Variants in LTBP1 observed in about 807,000 individuals in gnomAD.
LTBP1 encodes latent-transforming growth factor beta-binding protein 1.
A neutral mutation model predicts 207.6 loss-of-function variants in LTBP1; 129 were observed. That is an observed-to-expected ratio of 0.62 (90% CI 0.54 to 0.72). LTBP1 has a LOEUF of 0.72. LTBP1 is among the 30% of genes least tolerant of loss of function. LTBP1 has a pLI of 0.00. For missense variants in LTBP1, 2,281 were observed against 2,217.2 expected (o/e 1.03, Z -0.58); for synonymous variants, 963 against 833.7 (o/e 1.16, Z -2.67).
At chr2:33,148,903 T>C (rs1384909647) in intron 5 of LTBP1, among the ~76,000 whole-genome samples, 1 of 152,168 alleles carries the variant, frequency 6.6e-6, no homozygotes, top group African/African-American at 2.4e-5. Context: ...ATGCTGTGTG[T>C]GTCCTACAAC....
At chr2:32,957,377 A>G (rs1001480276) in intron 2 of LTBP1, among the ~76,000 whole-genome samples, 3 of 152,130 alleles carry the variant, frequency 2.0e-5, no homozygotes, top group Admixed American at 6.6e-5. Context: ...CGTTCACTTG[A>G]GCCCTTAGAG....
intron 2 of LTBP1, among the ~76,000 whole-genome samples, chr2:32,983,555 G>A (rs1197728788): frequency 1.3e-5 from 2 of 152,170 alleles, no homozygotes; most frequent in East Asian, 1.9e-4. Flanking sequence ...CACCCAAGTC[G>A]TATCTTGAAT....
intron 31 of LTBP1, among the ~76,000 whole-genome samples, chr2:33,384,309 G>A (rs1043677614): frequency 1.3e-5 from 2 of 152,212 alleles, no homozygotes; most frequent in South Asian, 2.1e-4. Context: ...ACTACTTAGC[G>A]ACGGCGTCCC....
intron 31 of LTBP1, among the ~76,000 whole-genome samples, chr2:33,372,541 T>C (rs1218135907): frequency 6.6e-6 from 1 of 152,252 alleles, no homozygotes; most frequent in Admixed American, 6.5e-5. Flanking sequence ...TAATCTAAAA[T>C]GATTTTTTAA....
intron 7 of LTBP1, among the ~76,000 whole-genome samples, chr2:33,201,683 C>G (rs186718253): frequency 6.6e-6 from 1 of 151,690 alleles, no homozygotes; most frequent in East Asian, 1.9e-4. Flanking sequence ...AGATTAAGGT[C>G]TTTATACATA....
At chr2:32,955,731 G>A (rs1262810810) in intron 2 of LTBP1, among the ~76,000 whole-genome samples, 1 of 152,104 alleles carries the variant, frequency 6.6e-6, no homozygotes, top group Non-Finnish European at 1.5e-5. Context: ...TAAGTACAAT[G>A]ATTTATACAT....
chr2:33,351,976 A>G (rs890275646), intron 26 of LTBP1, among the ~76,000 whole-genome samples: 3 of 152,092 alleles, frequency 2.0e-5, no homozygotes, highest in Non-Finnish European at 4.4e-5. Flanking sequence ...TGCTAAGTAA[A>G]TATCTTCTGC....
At chr2:32,957,157 A>G (rs1190260709) in intron 2 of LTBP1, among the ~76,000 whole-genome samples, 1 of 152,236 alleles carries the variant, frequency 6.6e-6, no homozygotes, top group Non-Finnish European at 1.5e-5. Flanking sequence ...TAAAGTCACC[A>G]GCTGTGTTAG....
rs115318763 is a variant in LTBP1 at position 33,300,585 on chromosome 2, G to A, written c.3358+12G>A. ...AGACCAGTGTGAAGGTAAGAGGGTA[G>A]TAACATGAACTACTGAAACTTCAGC... On this transcript the variant is annotated intron_variant, in intron 21 of 33. Coordinates refer to ENST00000404816, the MANE Select transcript of LTBP1 (RefSeq NM_206943.4). The A allele has an allele frequency of 8.8e-4, 1,420 of 1,609,986 alleles. 13 individuals are homozygous for A. The African/African-American group carries it at 0.017, about 19-fold the overall frequency.
intron 3 of LTBP1, among the ~76,000 whole-genome samples, chr2:33,078,961 C>A (rs759489105): frequency 6.8e-6 from 1 of 147,506 alleles, no homozygotes; most frequent in Non-Finnish European, 1.5e-5. Flanking sequence ...CTGCTTCAAG[C>A]GATTCTCCTA....
At chr2:33,140,005 C>G (rs974898952) in intron 5 of LTBP1, among the ~76,000 whole-genome samples, 1 of 152,196 alleles carries the variant, frequency 6.6e-6, no homozygotes, top group African/African-American at 2.4e-5. Flanking sequence ...GAGAGAAGTG[C>G]TTTCAGTTTT....
At chr2:32,967,700 T>C (rs189859692) in intron 2 of LTBP1, among the ~76,000 whole-genome samples, 21 of 152,360 alleles carry the variant, frequency 1.4e-4, no homozygotes, top group East Asian at 3.9e-4. Flanking sequence ...ATTTTTACTC[T>C]TTTAAGTTTG....
At chr2:33,130,903 TC>T (rs2081753038) in intron 4 of LTBP1, among the ~76,000 whole-genome samples, 2 of 152,194 alleles carry the variant, frequency 1.3e-5, no homozygotes, top group African/African-American at 2.4e-5. Context: ...GCATTTTTTT[TC>T]CTCCAAAGGA....
intron 5 of LTBP1, among the ~76,000 whole-genome samples, chr2:33,177,389 C>G (rs888775775): frequency 6.6e-6 from 1 of 152,178 alleles, no homozygotes; most frequent in African/African-American, 2.4e-5. Flanking sequence ...GTGGCTCACA[C>G]CTGTAATCCC....
intron 8 of LTBP1, among the ~76,000 whole-genome samples, chr2:33,220,239 C>T (rs966644686): frequency 2.0e-5 from 3 of 152,178 alleles, no homozygotes; most frequent in Non-Finnish European, 4.4e-5. Flanking sequence ...AAAAAGTTTT[C>T]CTTTCCTTGG....
intron 15 of LTBP1, among the ~76,000 whole-genome samples, chr2:33,267,002 A>C (rs957580437): frequency 6.6e-6 from 1 of 152,200 alleles, no homozygotes; most frequent in African/African-American, 2.4e-5. Flanking sequence ...CAGGGCTGTA[A>C]CAGCCTCTTT....
chr2:33,338,234 C>T (rs1007724773), intron 24 of LTBP1, among the ~76,000 whole-genome samples: 14 of 152,138 alleles, frequency 9.2e-5, no homozygotes, highest in East Asian at 1.9e-4. Context: ...TAAACTTTCT[C>T]GGTTAATCAC....
intron 30 of LTBP1, 66 bp from the exon 31 acceptor site, chr2:33,365,267 T>C: frequency 7.1e-7 from 1 of 1,415,884 alleles, no homozygotes; most frequent in Non-Finnish European, 9.9e-7. Context: ...CTTGCTGGCT[T>C]CCAACACAGT....
intron 4 of LTBP1, among the ~76,000 whole-genome samples, chr2:33,124,179 C>T (rs564218345): frequency 9.2e-5 from 14 of 152,226 alleles, no homozygotes; most frequent in Admixed American, 2.0e-4. Flanking sequence ...GAGGCCAAGG[C>T]GGGCAGATCA....
Sources: gnomAD v4.1 joint callset for allele counts (sites outside exome capture counted in the v4.1 genomes callset) on GRCh38, gnomAD v4.1.1 for gene constraint, MANE v1.5 for transcripts, NCBI Gene and HGNC (gene_info 2026-07-23, HGNC 2026-07-21) for gene names.